The following NCKAP5 variants were observed in gnomAD, a reference collection of about 807,000 sequenced individuals.
NCKAP5 encodes nck-associated protein 5.
A neutral mutation model predicts 167.0 loss-of-function variants in NCKAP5; 92 were observed. The ratio of observed to expected loss-of-function variants is 0.55; its 90% CI spans 0.47 to 0.66. The LOEUF is 0.66. Among genes scored for constraint, NCKAP5 ranks in the 30% least tolerant of loss-of-function variants. NCKAP5 has a pLI of 0.00. For missense variants in NCKAP5, 2,378 were observed against 2,315.0 expected, an observed-to-expected ratio of 1.03 and a Z score of -0.56; for synonymous variants, 891 against 877.4, an observed-to-expected ratio of 1.02 and a Z score of -0.27.
chr2:133,657,641 T>C, the NCKAP5 span, among the ~76,000 whole-genome samples: 2 of 152,208 alleles, frequency 1.3e-5, no homozygotes, highest in Non-Finnish European at 2.9e-5. Flanking sequence ...TTAATGCTTT[T>C]CATGATGACT....
intron 3 of NCKAP5, among the ~76,000 whole-genome samples, chr2:133,373,793 T>G (rs552091095): frequency 1.3e-5 from 2 of 152,304 alleles, no homozygotes; most frequent in African/African-American, 4.8e-5. Flanking sequence ...AACTTGTCTT[T>G]GACAAAGAAG....
chr2:133,415,763 C>G (rs1268056229), intron 3 of NCKAP5, among the ~76,000 whole-genome samples: 1 of 152,342 alleles, frequency 6.6e-6, no homozygotes, highest in Admixed American at 6.5e-5. Context: ...CACACATCCC[C>G]TATCTGTATC....
At chr2:133,206,186 G>GAT (rs1443692846) in intron 5 of NCKAP5, among the ~76,000 whole-genome samples, 1 of 151,998 alleles carries the variant, frequency 6.6e-6, no homozygotes, top group African/African-American at 2.4e-5. Flanking sequence ...TCTTAGTGGG[G>GAT]ATATCCTTTA....
chr2:132,839,624 G>T (rs1477155223), intron 11 of NCKAP5, among the ~76,000 whole-genome samples: 1 of 151,998 alleles, frequency 6.6e-6, no homozygotes. Context: ...AGCTGGGCAT[G>T]TTGGCATTTG....
rs10176793 is a variant in NCKAP5 at position 132,672,963 on chromosome 2, A to T, written c.*326T>A. ...ATCTCTATCAAGCGGTGCACCCCCC[A>T]CCCCCCACCCATCATTTCTTAAGCG... On this transcript the variant is annotated 3_prime_UTR_variant, in exon 20 of 20. Transcript: ENST00000409261. 2 of 94,578 alleles carry T rather than the reference A, an allele frequency of 2.1e-5. No individual in the cohort carries two copies. Among genetic ancestry groups the T allele is most frequent in the Non-Finnish European group, 4.0e-5 (2 of 49,828 alleles). 5.9% of individuals were successfully genotyped at this position (94,578 alleles called of 1,614,324 possible). A position where few individuals can be genotyped will look rare whatever the true frequency, so the allele number is the denominator to read the frequency against.
chr2:133,154,630 C>T (rs144644813), intron 5 of NCKAP5, among the ~76,000 whole-genome samples: 338 of 152,316 alleles, frequency 2.2e-3, no homozygotes, highest in Non-Finnish European at 3.1e-3. Flanking sequence ...GACACACTCT[C>T]TGGAAGACCA....
intron 16 of NCKAP5, among the ~76,000 whole-genome samples, chr2:132,741,231 T>A (rs375694671): frequency 1.3e-5 from 2 of 152,118 alleles, no homozygotes; most frequent in Admixed American, 6.6e-5. Context: ...GAATATGTTA[T>A]GCAATTTTCC....
intron 19 of NCKAP5, among the ~76,000 whole-genome samples, chr2:132,673,994 G>A (rs756609205): frequency 1.2e-4 from 19 of 152,150 alleles, no homozygotes; most frequent in African/African-American, 2.2e-4. Flanking sequence ...ATAAAGCACT[G>A]CACCAAATTC....
chr2:132,966,130 C>T (rs1040411845), intron 7 of NCKAP5, among the ~76,000 whole-genome samples: 4 of 152,268 alleles, frequency 2.6e-5, no homozygotes, highest in Admixed American at 6.5e-5. Context: ...AATGGAGACT[C>T]GCTCTGTTAC....
chr2:132,935,230 T>C (rs114719266), intron 8 of NCKAP5, among the ~76,000 whole-genome samples: 311 of 152,308 alleles, frequency 2.0e-3, no homozygotes, highest in African/African-American at 6.3e-3. Flanking sequence ...TTATCCACCT[T>C]GAAACAAGCC....
intron 5 of NCKAP5, among the ~76,000 whole-genome samples, chr2:133,158,617 T>A (rs1399742328): frequency 1.3e-5 from 2 of 152,156 alleles, no homozygotes; most frequent in African/African-American, 4.8e-5. Context: ...TCCACAACAA[T>A]CCCAGAGTTA....
intron 3 of NCKAP5, among the ~76,000 whole-genome samples, chr2:133,495,433 T>G (rs979204902): frequency 6.6e-6 from 1 of 152,142 alleles, no homozygotes; most frequent in Non-Finnish European, 1.5e-5. Context: ...CACTGACGCT[T>G]AGTGCAGTAG....
At chr2:133,416,349 T>A (rs1689106558) in intron 3 of NCKAP5, among the ~76,000 whole-genome samples, 1 of 152,182 alleles carries the variant, frequency 6.6e-6, no homozygotes, top group Non-Finnish European at 1.5e-5. Flanking sequence ...AGAGATACCC[T>A]TTGGATTTGT....
chr2:132,977,963 A>T (rs550540636), intron 7 of NCKAP5, among the ~76,000 whole-genome samples: 18 of 152,192 alleles, frequency 1.2e-4, no homozygotes, highest in Non-Finnish European at 2.6e-4. Flanking sequence ...TGGGATGTAC[A>T]TTCTGACAAA....
At chr2:132,756,077 G>A (rs1680530043) in intron 16 of NCKAP5, among the ~76,000 whole-genome samples, 1 of 152,058 alleles carries the variant, frequency 6.6e-6, no homozygotes, top group Non-Finnish European at 1.5e-5. Context: ...GGCAAAGGGA[G>A]AACTGGAGGA....
At chr2:133,028,703 T>C (rs1212107367) in intron 6 of NCKAP5, among the ~76,000 whole-genome samples, 1 of 152,204 alleles carries the variant, frequency 6.6e-6, no homozygotes. Context: ...TGATATAGTT[T>C]AGATATGTGT....
chr2:133,486,760 C>G (rs1454678053), intron 3 of NCKAP5, among the ~76,000 whole-genome samples: 1 of 152,118 alleles, frequency 6.6e-6, no homozygotes, highest in African/African-American at 2.4e-5. Context: ...TAAATAGTGT[C>G]AGGCATTATG....
At chr2:133,532,353 T>C (rs1685436122) in intron 2 of NCKAP5, among the ~76,000 whole-genome samples, 1 of 152,230 alleles carries the variant, frequency 6.6e-6, no homozygotes, top group African/African-American at 2.4e-5. Context: ...TTCTTTCTCA[T>C]ATGGGGAAAT....
intron 12 of NCKAP5, among the ~76,000 whole-genome samples, chr2:132,795,323 C>A (rs1354081244): frequency 6.6e-6 from 1 of 152,126 alleles, no homozygotes; most frequent in Non-Finnish European, 1.5e-5. Context: ...AATTCTTCAT[C>A]AAAAATGTGT....
Sources: gnomAD v4.1 joint callset for allele counts (sites outside exome capture counted in the v4.1 genomes callset) on GRCh38, gnomAD v4.1.1 for gene constraint, MANE v1.5 for transcripts, NCBI Gene and HGNC (gene_info 2026-07-23, HGNC 2026-07-21) for gene names.